INPP4B: variants seen among roughly 807,000 people sequenced by gnomAD.
The protein encoded by INPP4B is inositol polyphosphate-4-phosphatase type II B, also known as inositol polyphosphate 4-phosphatase type II.
In INPP4B, 55 loss-of-function variants were observed where a neutral mutation model predicts 122.5. The observed-to-expected ratio is 0.45, with a 90% CI of 0.36 to 0.56. The LOEUF is 0.56. INPP4B is among the 20% of genes least tolerant of loss of function. INPP4B has a pLI of 0.00. For synonymous variants in INPP4B, 403 were observed against 388.7 expected (o/e 1.04, Z -0.43); for missense variants, 1,000 against 1,097.7 (o/e 0.91, Z 1.26).
chr4:142,221,723 G>T (rs965825769), intron 12 of INPP4B, among the ~76,000 whole-genome samples: 1 of 152,082 alleles, frequency 6.6e-6, no homozygotes, highest in South Asian at 2.1e-4. Context: ...TTCTATATCT[G>T]TGCTACCTAG....
intron 7 of INPP4B, among the ~76,000 whole-genome samples, chr4:142,376,605 A>G (rs1791940653): frequency 6.6e-6 from 1 of 152,014 alleles, no homozygotes; most frequent in Non-Finnish European, 1.5e-5. Context: ...TCCTTAAGAA[A>G]TTCAACTTTA....
intron 14 of INPP4B, among the ~76,000 whole-genome samples, chr4:142,193,679 G>C (rs1322254124): frequency 6.6e-6 from 1 of 152,132 alleles, no homozygotes; most frequent in African/African-American, 2.4e-5. Context: ...AATCTATACA[G>C]AGTACTTTCC....
intron 2 of INPP4B, among the ~76,000 whole-genome samples, chr4:142,466,563 C>T (rs886572506): frequency 3.9e-5 from 6 of 152,150 alleles, no homozygotes; most frequent in African/African-American, 1.2e-4. Context: ...AAATTTGCAG[C>T]CTGACCATGT....
At chr4:142,067,514 G>A (rs536956557) in intron 25 of INPP4B, among the ~76,000 whole-genome samples, 5 of 151,790 alleles carry the variant, frequency 3.3e-5, no homozygotes, top group African/African-American at 4.8e-5. Flanking sequence ...TCAGACGATC[G>A]GTAACAACAA....
At chr4:142,243,384 A>G (rs1860495224) in intron 11 of INPP4B, among the ~76,000 whole-genome samples, 1 of 152,216 alleles carries the variant, frequency 6.6e-6, no homozygotes, top group Non-Finnish European at 1.5e-5. Context: ...CTTAAGTTAA[A>G]TCCTGTATTA....
intron 2 of INPP4B, among the ~76,000 whole-genome samples, chr4:142,699,630 A>T (rs1408443976): frequency 1.3e-5 from 2 of 152,162 alleles, no homozygotes; most frequent in African/African-American, 4.8e-5. Context: ...CATATACCTC[A>T]AATTCTATTA....
intron 3 of INPP4B, among the ~76,000 whole-genome samples, chr4:142,461,022 T>G (rs1464761268): frequency 2.6e-5 from 4 of 151,948 alleles, no homozygotes; most frequent in African/African-American, 7.3e-5. Context: ...CTACAAAAAA[T>G]TAGACAGGCA....
At chr4:142,176,656 G>A (rs1298919017) in intron 15 of INPP4B, among the ~76,000 whole-genome samples, 4 of 152,082 alleles carry the variant, frequency 2.6e-5, no homozygotes, top group Admixed American at 1.3e-4. Context: ...TTTCCTTGGG[G>A]ATGAGGACAG....
At chr4:142,648,581 T>C (rs184460056) in intron 2 of INPP4B, among the ~76,000 whole-genome samples, 4 of 152,148 alleles carry the variant, frequency 2.6e-5, no homozygotes, top group African/African-American at 9.7e-5. Context: ...TGCAGCAATA[T>C]GAGATGAAAC....
chr4:142,422,572 A>T (rs1807167565), intron 5 of INPP4B, among the ~76,000 whole-genome samples: 1 of 152,092 alleles, frequency 6.6e-6, no homozygotes, highest in African/African-American at 2.4e-5. Context: ...TGGAAGGCTG[A>T]GGTGGTAGAT....
chr4:142,110,871 G>T (rs1022441866), intron 22 of INPP4B, among the ~76,000 whole-genome samples: 2 of 152,076 alleles, frequency 1.3e-5, no homozygotes, highest in Non-Finnish European at 2.9e-5. Flanking sequence ...ACTAGTCTTT[G>T]AAAAGTCTGT....
intron 1 of INPP4B, among the ~76,000 whole-genome samples, chr4:142,818,928 G>C (rs1321133766): frequency 6.6e-6 from 1 of 152,096 alleles, no homozygotes; most frequent in Non-Finnish European, 1.5e-5. Context: ...ACTAGCATGT[G>C]AATGCCAAGA....
intron 2 of INPP4B, among the ~76,000 whole-genome samples, chr4:142,679,268 G>C (rs959167215): frequency 5.9e-5 from 9 of 151,814 alleles, no homozygotes; most frequent in Admixed American, 5.9e-4. Flanking sequence ...CATCTATCTA[G>C]ACCTCAAAGG....
At chr4:142,085,025 C>T (rs1199632976) in intron 24 of INPP4B, among the ~76,000 whole-genome samples, 1 of 152,132 alleles carries the variant, frequency 6.6e-6, no homozygotes, top group Non-Finnish European at 1.5e-5. Flanking sequence ...TAAAAACAAC[C>T]TTCATGTAAT....
At chr4:142,779,024 G>C (rs1354719777) in intron 1 of INPP4B, among the ~76,000 whole-genome samples, 5 of 151,918 alleles carry the variant, frequency 3.3e-5, no homozygotes, top group African/African-American at 4.8e-5. Context: ...CAAATTACCA[G>C]CTTGCATATT....
chr4:142,283,970 C>A lies in INPP4B; in HGVS notation c.504-13196G>T, dbSNP rs116447823. Among the ~76,000 whole-genome samples the A allele has an allele frequency of 5.5e-3, 844 of 152,134 alleles. 8 individuals carry two copies. Among genetic ancestry groups the A allele is most frequent in the African/African-American group, 0.02 (814 of 41,518 alleles). Reference sequence around the variant, plus strand: ...AAATGAAGTCTGGTGTCCCAGATAACAAGGGAAGAATAGGTTTTGAGGAGT... The same window carrying A: ...AAATGAAGTCTGGTGTCCCAGATAAAAAGGGAAGAATAGGTTTTGAGGAGT... On this transcript the variant is annotated intron_variant, in intron 9 of 25. Transcript: ENST00000262992.
intron 9 of INPP4B, among the ~76,000 whole-genome samples, chr4:142,278,580 C>A (rs1051367376): frequency 1.3e-5 from 2 of 151,774 alleles, no homozygotes; most frequent in African/African-American, 4.8e-5. Context: ...AGCTATGATC[C>A]CAAGATAGTG....
intron 2 of INPP4B, among the ~76,000 whole-genome samples, chr4:142,619,032 A>G (rs1744311136): frequency 6.6e-6 from 1 of 152,026 alleles, no homozygotes; most frequent in Non-Finnish European, 1.5e-5. Flanking sequence ...TCAACACCAC[A>G]TTGAGATGTC....
rs182106781 is a variant in INPP4B, at chr4:142,349,990, G to C, written c.373-35228C>G. Among the ~76,000 whole-genome samples the C allele has an allele frequency of 7.7e-4, 116 of 151,618 alleles. 2 individuals carry two copies. Among genetic ancestry groups the C allele is most frequent in the Middle Eastern group, 3.5e-3 (1 of 284 alleles). On this transcript the variant is annotated intron_variant, in intron 7 of 25. Coordinates refer to ENST00000262992, the MANE Select transcript of INPP4B (RefSeq NM_001101669.3). ...ACAGAGATAAAGAGTTTTCTAAAAA[G>C]GTACTCTATTGCCTTAAAAATAGTC... is the stretch of plus-strand genomic sequence containing the variant.
Sources: gnomAD v4.1 joint callset for allele counts (sites outside exome capture counted in the v4.1 genomes callset) on GRCh38, gnomAD v4.1.1 for gene constraint, MANE v1.5 for transcripts, NCBI Gene and HGNC (gene_info 2026-07-23, HGNC 2026-07-21) for gene names.